Variants in GNAQ observed in about 807,000 individuals in gnomAD.
GNAQ encodes the protein G protein subunit alpha q, also known as guanine nucleotide-binding protein G(q) subunit alpha.
A neutral mutation model predicts 43.9 loss-of-function variants in GNAQ; 8 were observed. The ratio of observed to expected loss-of-function variants is 0.18; its 90% CI spans 0.11 to 0.33. GNAQ has a LOEUF of 0.33. Among genes scored for constraint, GNAQ ranks in the 10% least tolerant of loss-of-function variants. GNAQ has a pLI of 1.00. For missense variants in GNAQ, 158 were observed against 450.8 expected (o/e 0.35, Z 5.88); for synonymous variants, 155 against 170.7 (o/e 0.91, Z 0.71).
At chr9:78,020,259 A>T (rs1047140162) in intron 1 of GNAQ, among the ~76,000 whole-genome samples, 3 of 152,144 alleles carry the variant, frequency 2.0e-5, no homozygotes, top group African/African-American at 4.8e-5. Context: ...CTCATAACAC[A>T]TCACAGGATT....
intron 2 of GNAQ, among the ~76,000 whole-genome samples, chr9:77,886,045 C>T (rs1452657742): frequency 1.3e-5 from 2 of 152,112 alleles, no homozygotes; most frequent in African/African-American, 2.4e-5. Context: ...GGCACGATCT[C>T]GGTTCACTGC....
intron 2 of GNAQ, among the ~76,000 whole-genome samples, chr9:77,921,437 G>C (rs1340773040): frequency 6.6e-6 from 1 of 152,206 alleles, no homozygotes; most frequent in Non-Finnish European, 1.5e-5. Context: ...TTAATATTTA[G>C]AGGATGAGCA....
intron 2 of GNAQ, among the ~76,000 whole-genome samples, chr9:77,845,021 G>T (rs987598726): frequency 6.6e-5 from 10 of 151,984 alleles, no homozygotes; most frequent in Non-Finnish European, 1.2e-4. Flanking sequence ...AAAACTATGG[G>T]GATGAAGTTA....
intron 1 of GNAQ, among the ~76,000 whole-genome samples, chr9:77,998,423 C>T (rs1205598620): frequency 1.3e-5 from 2 of 152,204 alleles, no homozygotes; most frequent in Non-Finnish European, 2.9e-5. Context: ...CAGCACTCCT[C>T]GATTCTTCCT....
At chr9:77,987,342 C>T (rs575383223) in intron 1 of GNAQ, among the ~76,000 whole-genome samples, 69 of 149,782 alleles carry the variant, frequency 4.6e-4, no homozygotes, top group Non-Finnish European at 6.7e-4. Flanking sequence ...TCAGTTAGAC[C>T]GAAAAAAAAA....
At chr9:77,976,924 T>G (rs1564168292) in intron 1 of GNAQ, among the ~76,000 whole-genome samples, 1 of 152,184 alleles carries the variant, frequency 6.6e-6, no homozygotes, top group African/African-American at 2.4e-5. Context: ...GTCACTCATT[T>G]AAAACCACCT....
At chr9:77,778,731 A>T (rs1826343800) in intron 5 of GNAQ, among the ~76,000 whole-genome samples, 3 of 152,024 alleles carry the variant, frequency 2.0e-5, no homozygotes, top group Admixed American at 6.6e-5. Flanking sequence ...AAAACAAATG[A>T]ATGAATATAT....
chr9:77,751,229 T>G (rs1470728579), intron 5 of GNAQ, among the ~76,000 whole-genome samples: 1 of 152,200 alleles, frequency 6.6e-6, no homozygotes, highest in African/African-American at 2.4e-5. Flanking sequence ...AATGCCTTGA[T>G]TTTTGGAAGA....
intron 3 of GNAQ, among the ~76,000 whole-genome samples, chr9:77,798,193 C>T (rs1564113718): frequency 6.6e-6 from 1 of 152,182 alleles, no homozygotes; most frequent in Non-Finnish European, 1.5e-5. Context: ...GAAGCCATGA[C>T]ATTTCTAGTT....
chr9:77,956,533 A>T (rs1331025002), intron 1 of GNAQ, among the ~76,000 whole-genome samples: 1 of 152,166 alleles, frequency 6.6e-6, no homozygotes, highest in Non-Finnish European at 1.5e-5. Flanking sequence ...AAGGAACATG[A>T]ATCCTGGGGC....
Position 77,721,505 on chromosome 9 carries a change from T to G in GNAQ, c.898A>C (p.Arg300=). The change falls in exon 7 of 7, where the codon AGA becomes CGA. Residue 300 remains arginine (R), a synonymous_variant. Transcript: ENST00000286548. ...AATTCTCGGGCTGCCTGGGCATCTCTCTGGGGTCCTTTCGGCCAAGAGACA... is the reference window on the plus strand; with the variant it reads ...AATTCTCGGGCTGCCTGGGCATCTCGCTGGGGTCCTTTCGGCCAAGAGACA... ...DYFPEYDGPQ[R]DAQAAREFIL... is the part of the protein sequence containing the mutation. The G allele has an allele frequency of 6.2e-7, 1 of 1,605,884 alleles. No individual in the cohort carries two copies. The highest frequency in any genetic ancestry group is 8.5e-7 in the Non-Finnish European group (1 of 1,174,742).
chr9:77,796,134 T>C (rs1268394121), intron 4 of GNAQ, among the ~76,000 whole-genome samples: 1 of 152,182 alleles, frequency 6.6e-6, no homozygotes, highest in East Asian at 1.9e-4. Context: ...TCTAATGCAA[T>C]ACAACCATTT....
intron 5 of GNAQ, among the ~76,000 whole-genome samples, chr9:77,737,095 T>C (rs1825586866): frequency 6.6e-6 from 1 of 152,224 alleles, no homozygotes; most frequent in Non-Finnish European, 1.5e-5. Flanking sequence ...GTCAGGTATT[T>C]AACGGTTTGT....
intron 1 of GNAQ, among the ~76,000 whole-genome samples, chr9:77,983,934 T>C (rs973187850): frequency 1.3e-5 from 2 of 150,422 alleles, no homozygotes; most frequent in African/African-American, 4.9e-5. Context: ...TGCTCAGAAC[T>C]GAGGGATACA....
chr9:77,761,278 G>T (rs1475694461), intron 5 of GNAQ, among the ~76,000 whole-genome samples: 66 of 119,984 alleles, frequency 5.5e-4, no homozygotes, highest in African/African-American at 1.8e-3. Flanking sequence ...GGAGGTGGGG[G>T]GGTCAGCCCC....
chr9:78,012,782 T>G (rs1482660074), intron 1 of GNAQ, among the ~76,000 whole-genome samples: 1 of 152,176 alleles, frequency 6.6e-6, no homozygotes, highest in Non-Finnish European at 1.5e-5. Flanking sequence ...ACAATATACT[T>G]AAATGAGGTT....
intron 1 of GNAQ, among the ~76,000 whole-genome samples, chr9:78,015,964 A>G (rs1823833095): frequency 1.3e-5 from 2 of 152,308 alleles, no homozygotes; most frequent in South Asian, 4.1e-4. Flanking sequence ...AGTAATAAAG[A>G]TAAGAAAAAT....
intron 2 of GNAQ, among the ~76,000 whole-genome samples, chr9:77,849,872 C>T (rs1018812425): frequency 8.5e-5 from 13 of 152,268 alleles, no homozygotes; most frequent in Non-Finnish European, 1.6e-4. Context: ...CATCATGTTG[C>T]CCAGGTTGGT....
intron 3 of GNAQ, among the ~76,000 whole-genome samples, chr9:77,806,689 A>C (rs545593200): frequency 2.0e-5 from 3 of 152,214 alleles, no homozygotes; most frequent in Non-Finnish European, 4.4e-5. Flanking sequence ...ACAGATGAGA[A>C]GAAATTAGGA....
Sources: gnomAD v4.1 joint callset for allele counts (sites outside exome capture counted in the v4.1 genomes callset) on GRCh38, gnomAD v4.1.1 for gene constraint, MANE v1.5 for transcripts, NCBI Gene and HGNC (gene_info 2026-07-23, HGNC 2026-07-21) for gene names.